DDAH1: variants seen among roughly 807,000 people sequenced by gnomAD.
DDAH1 encodes the protein N(G),N(G)-dimethylarginine dimethylaminohydrolase 1.
A neutral mutation model predicts 28.8 loss-of-function variants in DDAH1; 19 were observed. The observed-to-expected ratio is 0.66, with a 90% confidence interval of 0.46 to 0.97. DDAH1 has a LOEUF of 0.97. Ranked by LOEUF, DDAH1 falls within the 50% of genes least tolerant of loss-of-function variation. The pLI is 0.00. For synonymous variants in DDAH1, 153 were observed against 154.4 expected (o/e 0.99, Z 0.07); for missense variants, 326 against 375.9 (o/e 0.87, Z 1.10).
chr1:85,392,535 C>A (rs1275935646), intron 1 of DDAH1, among the ~76,000 whole-genome samples: 1 of 152,116 alleles, frequency 6.6e-6, no homozygotes, highest in African/African-American at 2.4e-5. Flanking sequence ...TGGCTCACAC[C>A]TGTAATCCCA....
At chr1:85,550,144 T>A (rs1658744225) in intron 1 of DDAH1, among the ~76,000 whole-genome samples, 1 of 152,234 alleles carries the variant, frequency 6.6e-6, no homozygotes, top group African/African-American at 2.4e-5. Context: ...ATATTTTAGA[T>A]ATGCCCAACT....
Position 85,415,940 on chromosome 1 carries a change from A to G in DDAH1, c.303+48803T>C, listed in dbSNP as rs186407777. ...AAATTATATGTCAGCTACATTTTAA[A>G]ATGAATCAAATTCTTCCTGAATCCT... On this transcript the variant is annotated intron_variant, in intron 1 of 5. Transcript: ENST00000284031. Among the ~76,000 whole-genome samples, 363 of 152,304 alleles carry G rather than the reference A, an allele frequency of 2.4e-3. 1 individual carries two copies. Among genetic ancestry groups the G allele is most frequent in the Non-Finnish European group, 2.1e-3 (146 of 68,014 alleles).
At chr1:85,507,184 C>T (rs962496568) in intron 1 of DDAH1, among the ~76,000 whole-genome samples, 3 of 152,096 alleles carry the variant, frequency 2.0e-5, no homozygotes, top group Admixed American at 1.3e-4. Flanking sequence ...CATTACACCT[C>T]ACACCTAAAC....
intron 2 of DDAH1, among the ~76,000 whole-genome samples, chr1:85,356,111 TAAGTC>T (rs1349824065): frequency 6.6e-6 from 1 of 152,234 alleles, no homozygotes; most frequent in African/African-American, 2.4e-5. Context: ...TTCTACTTCT[TAAGTC>T]AGGAGGTGGA....
chr1:85,384,383 T>C lies in DDAH1; in HGVS notation c.304-25536A>G, dbSNP rs187692462. ...ATTTTAGTTCTCCCAAACTGATTTTTTGTCCCCTCAATTTGATAAGACCAG... is the reference window on the plus strand; with the variant it reads ...ATTTTAGTTCTCCCAAACTGATTTTCTGTCCCCTCAATTTGATAAGACCAG... On this transcript the variant is annotated intron_variant, in intron 1 of 5. Coordinates refer to ENST00000284031, the MANE Select transcript of DDAH1 (RefSeq NM_012137.4). Among the ~76,000 whole-genome samples the C allele has an allele frequency of 1.4e-4, 21 of 152,318 alleles. 1 individual carries two copies. In the East Asian group the frequency reaches 4.1e-3, roughly 29 times the overall value.
intron 2 of DDAH1, among the ~76,000 whole-genome samples, chr1:85,477,192 G>C (rs997938742): frequency 1.3e-5 from 2 of 152,150 alleles, no homozygotes; most frequent in South Asian, 2.1e-4. Flanking sequence ...AGGGAATTTA[G>C]CATGTTGGAG....
intron 1 of DDAH1, among the ~76,000 whole-genome samples, chr1:85,384,392 C>A (rs959601539): frequency 2.0e-5 from 3 of 152,182 alleles, no homozygotes; most frequent in Admixed American, 2.0e-4. Flanking sequence ...TTTGTCCCCT[C>A]AATTTGATAA....
chr1:85,427,027 C>A (rs1261735178), intron 1 of DDAH1, among the ~76,000 whole-genome samples: 1 of 151,074 alleles, frequency 6.6e-6, no homozygotes, highest in Admixed American at 6.6e-5. Flanking sequence ...GATGTTAGTT[C>A]AATTTCCTTA....
At chr1:85,539,080 C>T (rs1252637721) in intron 1 of DDAH1, among the ~76,000 whole-genome samples, 1 of 152,068 alleles carries the variant, frequency 6.6e-6, no homozygotes, top group Non-Finnish European at 1.5e-5. Context: ...GAAAATGACT[C>T]TAATATTACA....
At chr1:85,439,518 C>A (rs1414774233) in intron 1 of DDAH1, among the ~76,000 whole-genome samples, 1 of 152,218 alleles carries the variant, frequency 6.6e-6, no homozygotes, top group African/African-American at 2.4e-5. Context: ...TTATACGTAT[C>A]ATCAGTATTT....
At chr1:85,401,497 CTTTCT>C (rs915164273) in intron 1 of DDAH1, among the ~76,000 whole-genome samples, 136 of 120,642 alleles carry the variant, frequency 1.1e-3, no homozygotes, top group Admixed American at 3.8e-3. Context: ...TTTCTTTTTT[CTTTCT>C]TTTTTTTTTT....
intron 1 of DDAH1, among the ~76,000 whole-genome samples, chr1:85,575,389 T>C (rs977862429): frequency 6.6e-6 from 1 of 152,190 alleles, no homozygotes; most frequent in Non-Finnish European, 1.5e-5. Flanking sequence ...ATTCCAGAAG[T>C]AGGGATTGCC....
intron 1 of DDAH1, among the ~76,000 whole-genome samples, chr1:85,402,639 G>T (rs145702379): frequency 1.3e-5 from 2 of 152,004 alleles, no homozygotes; most frequent in Non-Finnish European, 2.9e-5. Context: ...GGCCGGACGC[G>T]GTGGTTCACG....
Position 85,350,495 on chromosome 1 carries a change from G to T in DDAH1, c.517C>A (p.His173Asn), listed in dbSNP as rs1369302721. ...GCCATGCTGCAGAAACTCTTCAAAT[G>T]CAACCCATCTGCCACTGGCACTGTG... ...VSTVPVADGL[H>N]LKSFCSMAGP... is the part of the protein sequence containing the mutation. The change falls in exon 4 of 6, where the codon CAT becomes AAT. Residue 173 changes from histidine to asparagine, a missense_variant. Transcript: ENST00000284031. 1 of 1,614,126 alleles carries T rather than the reference G, an allele frequency of 6.2e-7. No homozygotes were observed. The highest frequency in any genetic ancestry group is 8.5e-7 in the Non-Finnish European group (1 of 1,179,996).
At chr1:85,461,043 G>A (rs61783057) in intron 1 of DDAH1, among the ~76,000 whole-genome samples, 36,431 of 152,018 alleles carry the variant, frequency 0.24, 4,557 homozygotes, top group Middle Eastern at 0.34. Context: ...GAGCCCAGAA[G>A]TTCAAGGCTG....
At chr1:85,332,076 G>A (rs1039347584) in intron 4 of DDAH1, among the ~76,000 whole-genome samples, 1 of 152,182 alleles carries the variant, frequency 6.6e-6, no homozygotes, top group African/African-American at 2.4e-5. Context: ...GGTATTCCCG[G>A]GGTCCGTGTG....
intron 1 of DDAH1, among the ~76,000 whole-genome samples, chr1:85,514,011 C>T (rs113370012): frequency 0.011 from 1,655 of 152,156 alleles, 30 homozygotes; most frequent in African/African-American, 0.038. Flanking sequence ...GGGTATATAC[C>T]CAAAGGATTA....
intron 2 of DDAH1, among the ~76,000 whole-genome samples, chr1:85,472,684 G>A (rs1655656288): frequency 6.6e-6 from 1 of 152,198 alleles, no homozygotes; most frequent in African/African-American, 2.4e-5. Flanking sequence ...TAACAAGTTT[G>A]TGATGTATTA....
At chr1:85,492,097 G>A (rs12743385) in intron 2 of DDAH1, among the ~76,000 whole-genome samples, 17,660 of 152,108 alleles carry the variant, frequency 0.12, 1,180 homozygotes, top group Admixed American at 0.19. Flanking sequence ...ATGCAAATGA[G>A]GTTAAATGAA....
Sources: gnomAD v4.1 joint callset for allele counts (sites outside exome capture counted in the v4.1 genomes callset) on GRCh38, gnomAD v4.1.1 for gene constraint, MANE v1.5 for transcripts, NCBI Gene and HGNC (gene_info 2026-07-23, HGNC 2026-07-21) for gene names.